The following SEMA3C variants were observed in gnomAD, a reference collection of about 807,000 sequenced individuals.
The protein encoded by SEMA3C is semaphorin 3C.
Under a neutral mutation model 89.4 loss-of-function variants are expected in SEMA3C, and 47 were observed. The ratio of observed to expected loss-of-function variants is 0.53; its 90% CI spans 0.42 to 0.67. The LOEUF is 0.67. Ranked by LOEUF, SEMA3C falls within the 30% of genes least tolerant of loss-of-function variation. The pLI is 0.00. For synonymous variants in SEMA3C, 310 were observed against 320.2 expected (o/e 0.97, Z 0.34); for missense variants, 839 against 929.1 (o/e 0.90, Z 1.26).
chr7:80,759,366 T>G (rs995639968), intron 14 of SEMA3C, among the ~76,000 whole-genome samples: 17 of 152,292 alleles, frequency 1.1e-4, no homozygotes, highest in African/African-American at 3.9e-4. Context: ...CACATACATA[T>G]ACATTTAAAA....
intron 4 of SEMA3C, 29 bp downstream of exon 4, chr7:80,827,396 T>TG (rs1451791658): frequency 8.7e-6 from 8 of 917,398 alleles, no homozygotes; most frequent in South Asian, 5.2e-5. Flanking sequence ...GTTAGTGTTT[T>TG]TTTTTTTTTT....
intron 11 of SEMA3C, among the ~76,000 whole-genome samples, chr7:80,794,816 A>G (rs571367680): frequency 6.6e-6 from 1 of 152,310 alleles, no homozygotes; most frequent in Non-Finnish European, 1.5e-5. Flanking sequence ...CAACATACCA[A>G]AAGTGTCTTG....
chr7:80,854,169 T>A (rs577235719), intron 2 of SEMA3C, among the ~76,000 whole-genome samples: 7 of 152,238 alleles, frequency 4.6e-5, no homozygotes, highest in African/African-American at 9.6e-5. Flanking sequence ...ATAAAAATAT[T>A]CTCATAAATC....
intron 2 of SEMA3C, among the ~76,000 whole-genome samples, chr7:80,833,004 T>C (rs1295053605): frequency 6.6e-6 from 1 of 152,198 alleles, no homozygotes; most frequent in African/African-American, 2.4e-5. Flanking sequence ...TTTTTTTCTT[T>C]TCCCTTTCTT....
At chr7:80,845,091 C>T (rs969325847) in intron 2 of SEMA3C, among the ~76,000 whole-genome samples, 31 of 152,106 alleles carry the variant, frequency 2.0e-4, no homozygotes, top group African/African-American at 5.6e-4. Context: ...CCTGTTGATA[C>T]GACCTCTCCC....
At chr7:80,908,658 G>A (rs1047737867) in intron 2 of SEMA3C, among the ~76,000 whole-genome samples, 12 of 152,068 alleles carry the variant, frequency 7.9e-5, no homozygotes, top group Non-Finnish European at 1.5e-4. Flanking sequence ...ATCTGTGCTA[G>A]GGATGGATTA....
intron 2 of SEMA3C, among the ~76,000 whole-genome samples, chr7:80,863,890 T>C (rs1790853158): frequency 6.9e-6 from 1 of 145,954 alleles, no homozygotes; most frequent in African/African-American, 2.5e-5. Flanking sequence ...CACATATATA[T>C]CACACATATA....
intron 16 of SEMA3C, among the ~76,000 whole-genome samples, chr7:80,750,473 T>TATATATATATACACACACAC (rs869227686): frequency 2.9e-4 from 16 of 55,438 alleles, no homozygotes; most frequent in East Asian, 4.7e-4. Context: ...TATATATATA[T>TATATATATATACACACACAC]ACACACACAC....
intron 2 of SEMA3C, among the ~76,000 whole-genome samples, chr7:80,840,379 C>A (rs934015728): frequency 1.3e-5 from 2 of 151,568 alleles, no homozygotes; most frequent in African/African-American, 2.4e-5. Flanking sequence ...AATCTGCAGG[C>A]TTGGTGGCAT....
chr7:80,850,004 A>G (rs531671981), intron 2 of SEMA3C, among the ~76,000 whole-genome samples: 1 of 152,294 alleles, frequency 6.6e-6, no homozygotes, highest in South Asian at 2.1e-4. Context: ...AATGTCTTAC[A>G]AGATATTTAA....
chr7:80,811,732 A>G (rs1227963114), intron 5 of SEMA3C, among the ~76,000 whole-genome samples: 1 of 152,110 alleles, frequency 6.6e-6, no homozygotes, highest in Admixed American at 6.6e-5. Context: ...CTTTAAGGAG[A>G]TTGGGAATGA....
chr7:80,830,090 A>G (rs1789975939), intron 2 of SEMA3C, among the ~76,000 whole-genome samples: 1 of 152,190 alleles, frequency 6.6e-6, no homozygotes, highest in Admixed American at 6.5e-5. Flanking sequence ...AGAAGTCACA[A>G]ATTTAACCTA....
At chr7:80,844,447 C>A (rs907967404) in intron 2 of SEMA3C, among the ~76,000 whole-genome samples, 1 of 152,134 alleles carries the variant, frequency 6.6e-6, no homozygotes, top group African/African-American at 2.4e-5. Context: ...CTGAGCTTGA[C>A]ACTTACTTGT....
intron 3 of SEMA3C, 40 bp from the exon 4 acceptor site, chr7:80,827,527 G>T: frequency 4.5e-6 from 7 of 1,543,234 alleles, no homozygotes; most frequent in Non-Finnish European, 6.1e-6. Flanking sequence ...AATCTCACCT[G>T]GACATATGAC....
At chr7:80,776,957 TATATATG>T (rs1289693113) in intron 12 of SEMA3C, among the ~76,000 whole-genome samples, 1 of 152,150 alleles carries the variant, frequency 6.6e-6, no homozygotes, top group Non-Finnish European at 1.5e-5. Context: ...TATATACTAA[TATATATG>T]ATATATATCA....
intron 2 of SEMA3C, among the ~76,000 whole-genome samples, chr7:80,908,417 G>A (rs78165065): frequency 0.016 from 2,381 of 152,136 alleles, 79 homozygotes; most frequent in East Asian, 0.13. Context: ...TGTGAAATGA[G>A]GATTTTGGAA....
intron 2 of SEMA3C, among the ~76,000 whole-genome samples, chr7:80,853,796 A>T (rs1790571295): frequency 6.6e-6 from 1 of 152,208 alleles, no homozygotes; most frequent in South Asian, 2.1e-4. Context: ...TGTAACAAAA[A>T]GGATTAATCC....
chr7:80,807,793 T>A (rs1164943386), intron 6 of SEMA3C, among the ~76,000 whole-genome samples: 2 of 152,174 alleles, frequency 1.3e-5, no homozygotes, highest in African/African-American at 4.8e-5. Flanking sequence ...TCTTAAGCAA[T>A]CTGTGCTTTT....
intron 2 of SEMA3C, among the ~76,000 whole-genome samples, chr7:80,832,817 G>A (rs74502620): frequency 0.016 from 2,444 of 152,200 alleles, 73 homozygotes; most frequent in African/African-American, 0.055. Context: ...TCTGTTATAT[G>A]AAATAAAAAG....
Sources: gnomAD v4.1 joint callset for allele counts (sites outside exome capture counted in the v4.1 genomes callset) on GRCh38, gnomAD v4.1.1 for gene constraint, MANE v1.5 for transcripts, NCBI Gene and HGNC (gene_info 2026-07-23, HGNC 2026-07-21) for gene names.